The following SLC35F4 variants were observed in gnomAD, a reference collection of about 807,000 sequenced individuals.
SLC35F4 encodes the protein chromosome 14 open reading frame 36.
In SLC35F4, 24 loss-of-function variants were observed where a neutral mutation model predicts 44.2. That is an observed-to-expected ratio of 0.54 (90% confidence interval 0.39 to 0.76). The LOEUF (loss-of-function observed/expected upper bound fraction) is 0.76. Ranked by LOEUF, SLC35F4 falls within the 30% of genes least tolerant of loss-of-function variation. The pLI, the probability that SLC35F4 is intolerant of heterozygous loss-of-function variation, is 0.00. For synonymous variants in SLC35F4, 238 were observed against 223.6 expected, an observed-to-expected ratio of 1.06 and a Z score of -0.57; for missense variants, 562 against 586.1, an observed-to-expected ratio of 0.96 and a Z score of 0.42.
At chr14:57,633,018 C>T (rs554383862) in intron 1 of SLC35F4, among the ~76,000 whole-genome samples, 2 of 152,166 alleles carry the variant, frequency 1.3e-5, no homozygotes, top group South Asian at 4.1e-4. Context: ...GCTTTTTTCA[C>T]TTAGTAATGT....
chr14:57,637,052 G>A (rs1223742194), intron 1 of SLC35F4, among the ~76,000 whole-genome samples: 2 of 152,064 alleles, frequency 1.3e-5, no homozygotes, highest in Non-Finnish European at 2.9e-5. Flanking sequence ...TTACGTAAAA[G>A]TGGTTTTTAG....
chr14:57,566,843 T>C (rs2068232724), intron 6 of SLC35F4, among the ~76,000 whole-genome samples: 4 of 152,224 alleles, frequency 2.6e-5, no homozygotes. Flanking sequence ...CACAGGACTG[T>C]TTATTAGCAC....
chr14:57,796,098 A>G (rs1231232707), intron 1 of SLC35F4, among the ~76,000 whole-genome samples: 1 of 152,162 alleles, frequency 6.6e-6, no homozygotes, highest in African/African-American at 2.4e-5. Flanking sequence ...GCCTCTGGCT[A>G]TATCAATGTT....
At position 57,669,400 on chromosome 14, in the gene SLC35F4, T is replaced by A. The variant is rs553413620; in HGVS notation, c.104-75276A>T. 1.2e-4 allele frequency among the ~76,000 whole-genome samples: 19 copies of A among 152,252 alleles called. No individual in the cohort carries two copies. The South Asian group carries it at 1.7e-3, about 13-fold the overall frequency. Reference sequence around the variant, plus strand: ...GGAGTGGTGAGAGAGGGCATCCCTGTCTTGTGCCAGTTTTGAAAAGGAATG... The same window carrying A: ...GGAGTGGTGAGAGAGGGCATCCCTGACTTGTGCCAGTTTTGAAAAGGAATG... On this transcript the variant is annotated intron_variant, in intron 1 of 7. Coordinates refer to ENST00000556826, the MANE Select transcript of SLC35F4 (RefSeq NM_001306087.2).
intron 1 of SLC35F4, among the ~76,000 whole-genome samples, chr14:57,950,565 A>G (rs968829356): frequency 6.6e-6 from 1 of 151,444 alleles, no homozygotes; most frequent in African/African-American, 2.4e-5. Context: ...ATTTCTGGGG[A>G]GCTAGGGTGA....
intron 1 of SLC35F4, among the ~76,000 whole-genome samples, chr14:57,959,093 A>G (rs982038941): frequency 2.0e-5 from 3 of 152,168 alleles, no homozygotes; most frequent in African/African-American, 7.2e-5. Flanking sequence ...AAGGATGGCT[A>G]TCATCTATTG....
downstream of SLC35F4, among the ~76,000 whole-genome samples, chr14:57,973,803 CTTCTT>C (rs1881126604): frequency 6.6e-6 from 1 of 152,128 alleles, no homozygotes; most frequent in Admixed American, 6.6e-5. Context: ...AGCATTCTCT[CTTCTT>C]ATTTGCCACA....
At chr14:57,656,230 G>C (rs1448283821) in intron 1 of SLC35F4, among the ~76,000 whole-genome samples, 2 of 151,808 alleles carry the variant, frequency 1.3e-5, no homozygotes, top group Non-Finnish European at 2.9e-5. Context: ...TCTACCAAAA[G>C]TGGGAGATGA....
At chr14:57,660,680 C>G (rs968408822) in intron 1 of SLC35F4, among the ~76,000 whole-genome samples, 2 of 152,052 alleles carry the variant, frequency 1.3e-5, no homozygotes, top group African/African-American at 2.4e-5. Context: ...AGCTCTTTAT[C>G]AGAGCACTGC....
At chr14:57,789,061 A>G (rs1171409021) in intron 1 of SLC35F4, among the ~76,000 whole-genome samples, 2 of 152,222 alleles carry the variant, frequency 1.3e-5, no homozygotes, top group East Asian at 3.9e-4. Context: ...AGAAAGTGGG[A>G]CAGATCTAAA....
At chr14:57,656,376 T>TAC (rs3054456) in intron 1 of SLC35F4, among the ~76,000 whole-genome samples, 1,123 of 74,004 alleles carry the variant, frequency 0.015, 4 homozygotes, top group Non-Finnish European at 0.018. Context: ...TATATATATA[T>TAC]ACACACACAC....
At chr14:57,915,100 C>A (rs1889292450) in intron 1 of SLC35F4, among the ~76,000 whole-genome samples, 1 of 142,534 alleles carries the variant, frequency 7.0e-6, no homozygotes, top group South Asian at 2.2e-4. Flanking sequence ...CCTTCTGGAG[C>A]ACTGGATTGA....
At chr14:57,793,259 T>G (rs1956697) in intron 1 of SLC35F4, among the ~76,000 whole-genome samples, 76,230 of 151,826 alleles carry the variant, frequency 0.5, 22,522 homozygotes, top group African/African-American at 0.81. Flanking sequence ...TATTTTTTTT[T>G]TTTCAATTGC....
rs1044991995 is a variant in SLC35F4, at chr14:57,715,994, A to G, written c.104-121870T>C. 5.9e-5 allele frequency among the ~76,000 whole-genome samples: 9 copies of G among 152,312 alleles called. 1 individual carries two copies. In the East Asian group the frequency reaches 1.7e-3, roughly 29 times the overall value. On this transcript the variant is annotated intron_variant, in intron 1 of 7. Coordinates refer to ENST00000556826, the MANE Select transcript of SLC35F4 (RefSeq NM_001306087.2). The stretch of plus-strand genomic sequence containing the variant: ...AGACGTAATATAAAAATGTACTTTT[A>G]AAAGAGGAAGAGTGGTGATCAGACA...
intron 5 of SLC35F4, 31 bp downstream of exon 5, chr14:57,571,863 A>G: frequency 6.3e-7 from 1 of 1,597,206 alleles, no homozygotes; most frequent in Non-Finnish European, 8.5e-7. Context: ...TATGAGTGAC[A>G]GTTGCTTACA....
At chr14:57,921,744 T>C (rs1361833691) in intron 1 of SLC35F4, among the ~76,000 whole-genome samples, 3 of 152,192 alleles carry the variant, frequency 2.0e-5, no homozygotes. Flanking sequence ...TTTATAAAAA[T>C]TCCAGTCACA....
rs151257582 is a variant in SLC35F4 at position 57,830,674 on chromosome 14, C to G, written c.103+35049G>C. Among the ~76,000 whole-genome samples the G allele has an allele frequency of 1.3e-3, 196 of 152,244 alleles. 1 individual carries two copies. The highest frequency in any genetic ancestry group is 4.6e-3 in the African/African-American group (190 of 41,556). On this transcript the variant is annotated intron_variant, in intron 1 of 7. Coordinates refer to ENST00000556826, the MANE Select transcript of SLC35F4 (RefSeq NM_001306087.2). ...TGCTCAGATCTCAGTTTCAGACCACCTACCTTCAATGGGAAAATGGTATAT... is the reference window on the plus strand; with the variant it reads ...TGCTCAGATCTCAGTTTCAGACCACGTACCTTCAATGGGAAAATGGTATAT...
chr14:57,694,460 C>T (rs1289530026), intron 1 of SLC35F4, among the ~76,000 whole-genome samples: 1 of 152,094 alleles, frequency 6.6e-6, no homozygotes, highest in Non-Finnish European at 1.5e-5. Flanking sequence ...TTTTCTGTAG[C>T]TCTAATGTAC....
downstream of SLC35F4, among the ~76,000 whole-genome samples, chr14:57,973,094 C>T (rs1436792270): frequency 6.6e-6 from 1 of 152,198 alleles, no homozygotes; most frequent in Non-Finnish European, 1.5e-5. Context: ...AAGCCCCATG[C>T]AAACAGTACC....
Sources: gnomAD v4.1 joint callset for allele counts (sites outside exome capture counted in the v4.1 genomes callset) on GRCh38, gnomAD v4.1.1 for gene constraint, MANE v1.5 for transcripts, NCBI Gene and HGNC (gene_info 2026-07-23, HGNC 2026-07-21) for gene names.